Variants in STPG2 observed in about 807,000 individuals in gnomAD.
The protein encoded by STPG2 is sperm-tail PG-rich repeat-containing protein 2.
STPG2 carries 56 observed loss-of-function variants against 54.2 expected under a neutral mutation model. That is an observed-to-expected ratio of 1.03 (90% CI 0.83 to 1.29). STPG2 has a LOEUF of 1.29. STPG2 is among the 50% of genes most tolerant of loss of function. STPG2 has a pLI of 0.00. For synonymous variants in STPG2, 200 were observed against 181.8 expected, an observed-to-expected ratio of 1.10 and a Z score of -0.81; for missense variants, 596 against 544.9, an observed-to-expected ratio of 1.09 and a Z score of -0.93.
intron 9 of STPG2, among the ~76,000 whole-genome samples, chr4:97,799,774 G>A (rs1428368527): frequency 7.9e-6 from 1 of 126,684 alleles, no homozygotes; most frequent in Non-Finnish European, 1.8e-5. Flanking sequence ...ATTCTGCAGA[G>A]TGTTTTCCAG....
At chr4:98,129,314 A>G (rs1468321843) in intron 2 of STPG2, among the ~76,000 whole-genome samples, 2 of 152,172 alleles carry the variant, frequency 1.3e-5, no homozygotes, top group African/African-American at 4.8e-5. Context: ...TTTCAGTAAT[A>G]CTTTCTGGCT....
At chr4:97,850,932 A>T (rs905235827) in intron 8 of STPG2, among the ~76,000 whole-genome samples, 3 of 152,194 alleles carry the variant, frequency 2.0e-5, no homozygotes, top group Non-Finnish European at 4.4e-5. Context: ...AGGTCATTAC[A>T]ACTGTAAAAA....
At chr4:97,837,383 T>A (rs979450209) in intron 9 of STPG2, among the ~76,000 whole-genome samples, 1 of 151,724 alleles carries the variant, frequency 6.6e-6, no homozygotes, top group Non-Finnish European at 1.5e-5. Context: ...ATCTATTTTC[T>A]TTTTAAATTT....
At chr4:97,669,254 AG>A (rs1722625210) in intron 10 of STPG2, among the ~76,000 whole-genome samples, 1 of 152,290 alleles carries the variant, frequency 6.6e-6, no homozygotes, top group African/African-American at 2.4e-5. Flanking sequence ...GGACTCCTAA[AG>A]GCCACCTGGA....
At chr4:97,868,682 C>T (rs916699273) in intron 8 of STPG2, among the ~76,000 whole-genome samples, 3 of 151,802 alleles carry the variant, frequency 2.0e-5, no homozygotes, top group Non-Finnish European at 4.4e-5. Context: ...TTTACAACTC[C>T]CCATCTCAGA....
intron 5 of STPG2, among the ~76,000 whole-genome samples, chr4:98,064,678 A>T (rs1216003221): frequency 5.3e-5 from 8 of 152,220 alleles, no homozygotes; most frequent in Non-Finnish European, 7.3e-5. Context: ...GACCTTCTTC[A>T]AGAAAGTTGC....
At chr4:97,519,040 GA>G (rs1359991256) in intron 4 of STPG2, among the ~76,000 whole-genome samples, 4 of 152,062 alleles carry the variant, frequency 2.6e-5, no homozygotes, top group African/African-American at 9.6e-5. Context: ...ACCAAAAATC[GA>G]GATATTTTCT....
chr4:97,753,206 A>G (rs1259153801), intron 9 of STPG2, among the ~76,000 whole-genome samples: 1 of 151,966 alleles, frequency 6.6e-6, no homozygotes, highest in African/African-American at 2.4e-5. Flanking sequence ...TGCCCAATAA[A>G]AATTATACAT....
At chr4:97,513,232 G>A (rs1472593382) in intron 4 of STPG2, among the ~76,000 whole-genome samples, 1 of 152,086 alleles carries the variant, frequency 6.6e-6, no homozygotes, top group Non-Finnish European at 1.5e-5. Flanking sequence ...GGGAGAAGGG[G>A]CAGACAGCTT....
intron 4 of STPG2, among the ~76,000 whole-genome samples, chr4:97,448,229 A>T (rs1010675158): frequency 1.3e-5 from 2 of 152,140 alleles, no homozygotes; most frequent in African/African-American, 4.8e-5. Flanking sequence ...GGTGGAAGGG[A>T]CTTACCTTGT....
At chr4:97,896,658 G>T (rs993095793) in intron 8 of STPG2, among the ~76,000 whole-genome samples, 1 of 151,626 alleles carries the variant, frequency 6.6e-6, no homozygotes, top group East Asian at 1.9e-4. Flanking sequence ...ATTGAGAGTT[G>T]AATTATGGGA....
intron 4 of STPG2, among the ~76,000 whole-genome samples, chr4:97,546,883 C>A (rs1157826875): frequency 7.9e-5 from 12 of 151,970 alleles, no homozygotes; most frequent in Admixed American, 7.9e-4. Context: ...AGTCATACTA[C>A]AATGTGAGAA....
chr4:97,615,818 T>G (rs1268950697), intron 10 of STPG2, among the ~76,000 whole-genome samples: 3 of 150,800 alleles, frequency 2.0e-5, no homozygotes, highest in African/African-American at 7.3e-5. Flanking sequence ...AGGTGATCAC[T>G]TAAGGTCAGG....
At chr4:97,946,498 C>A (rs535131113) in intron 7 of STPG2, among the ~76,000 whole-genome samples, 5 of 151,944 alleles carry the variant, frequency 3.3e-5, no homozygotes, top group African/African-American at 4.8e-5. Context: ...GTTTTTCTTA[C>A]GTTATCTTCT....
At chr4:98,040,564 T>C (rs1353518090) in intron 5 of STPG2, among the ~76,000 whole-genome samples, 2 of 151,868 alleles carry the variant, frequency 1.3e-5, no homozygotes, top group Admixed American at 6.6e-5. Flanking sequence ...GCACCATTTA[T>C]TGACTAAGGA....
At chr4:97,930,486 T>C (rs1381987494) in intron 8 of STPG2, among the ~76,000 whole-genome samples, 2 of 152,194 alleles carry the variant, frequency 1.3e-5, no homozygotes, top group Admixed American at 6.5e-5. Context: ...CAGATGGTTG[T>C]AGATGTATGG....
chr4:97,671,852 C>G (rs886512196), intron 10 of STPG2, among the ~76,000 whole-genome samples: 13 of 152,094 alleles, frequency 8.5e-5, no homozygotes, highest in African/African-American at 2.4e-4. Context: ...AAAAAGAAAA[C>G]CCTGAAGAAT....
At chr4:97,818,688 A>C (rs1036455125) in intron 9 of STPG2, among the ~76,000 whole-genome samples, 5 of 151,894 alleles carry the variant, frequency 3.3e-5, no homozygotes, top group Non-Finnish European at 5.9e-5. Flanking sequence ...TTATGTTCTA[A>C]AATACCACTT....
rs147603202 is a variant in STPG2, at chr4:97,878,903, C to T, written c.1045-37971G>A. Among the ~76,000 whole-genome samples the T allele has an allele frequency of 8.6e-3, 1,309 of 151,536 alleles. 17 individuals carry two copies. Among genetic ancestry groups the T allele is most frequent in the African/African-American group, 0.03 (1,248 of 41,446 alleles). ...TTTATGCTCTGTTTCCCTTTTAAAA[C>T]TGAATCCTTTTAAAAGTACCAAAGT... On this transcript the variant is annotated intron_variant, in intron 8 of 10. Coordinates refer to ENST00000295268, the MANE Select transcript of STPG2 (RefSeq NM_174952.3).
Sources: allele counts gnomAD v4.1 joint callset (sites outside exome capture counted in the v4.1 genomes callset), GRCh38; gene constraint gnomAD v4.1.1; transcripts MANE v1.5; gene names NCBI Gene and HGNC (gene_info 2026-07-23, HGNC 2026-07-21).